RBM4: variants seen among roughly 807,000 people sequenced by gnomAD.
RBM4 encodes RNA binding motif protein 4.
Under a neutral mutation model 29.5 loss-of-function variants are expected in RBM4, and 7 were observed. The ratio of observed to expected loss-of-function variants is 0.24; its 90% CI spans 0.14 to 0.45. The LOEUF is 0.45. Among genes scored for constraint, RBM4 ranks in the 20% least tolerant of loss-of-function variants. RBM4 has a pLI of 1.00. For missense variants in RBM4, 387 were observed against 502.3 expected (o/e 0.77, Z 2.19); for synonymous variants, 220 against 205.4 (o/e 1.07, Z -0.61).
intron 3 of RBM4, chr11:66,644,866 C>G: frequency 2.0e-5 from 4 of 199,908 alleles, no homozygotes; most frequent in Non-Finnish European, 3.6e-5. Flanking sequence ...AATAGAGTGC[C>G]CACTCCATTG....
rs959995927 is a variant in RBM4 at position 66,644,773 on chromosome 11, T to G, written c.*8+633T>G. On this transcript the variant is annotated intron_variant, in intron 3 of 3. Transcript: ENST00000310092. ...GTTGGGGTAGAGAGAAATACAAAAC[T>G]TATCTTTTATAAAGTTCCACAAGGA... 4.6e-5 allele frequency: 40 copies of G among 862,024 alleles called. No individual in the cohort carries two copies. In the Admixed American group the frequency reaches 6.8e-4, roughly 15 times the overall value. 53.4% of individuals were successfully genotyped at this position (862,024 alleles called of 1,614,324 possible). A position where few individuals can be genotyped will look rare whatever the true frequency, so the allele number is the denominator to read the frequency against.
exon 3 of RBM4, chr11:66,668,072 A>G (rs937430792): frequency 6.5e-6 from 1 of 153,456 alleles, no homozygotes; most frequent in Non-Finnish European, 1.5e-5. Flanking sequence ...TGTGATATTC[A>G]TTACTAACCC....
At position 66,640,099 on chromosome 11, in the gene RBM4, G is replaced by T; in HGVS notation, c.388G>T (p.Gly130Cys). The T allele has an allele frequency of 1.2e-6, 2 of 1,614,182 alleles. No homozygotes were observed. The highest frequency in any genetic ancestry group is 1.7e-6 in the Non-Finnish European group (2 of 1,180,038). Residue 130 changes from glycine (G) to cysteine (C), a missense_variant, in exon 2 of 4, where the codon GGC becomes TGC. Gly to Cys is a radical substitution (Grantham distance 159, BLOSUM62 -3). Coordinates refer to ENST00000310092, the MANE Select transcript of RBM4 (RefSeq NM_002896.4). ...AGAGGATGCAGTGGAGGCCATCAGG[G>T]GCCTTGATAACACAGAGTTTCAAGG... ...RAEDAVEAIRGLDNTEFQGKR... is the reference protein window; with the variant it reads ...RAEDAVEAIRCLDNTEFQGKR...
intron 2 of RBM4, among the ~76,000 whole-genome samples, chr11:66,663,535 T>G (rs1435234441): frequency 6.6e-6 from 1 of 152,084 alleles, no homozygotes; most frequent in African/African-American, 2.4e-5. Flanking sequence ...CAGCTAATTT[T>G]TTGTATTTTA....
At position 66,665,818 on chromosome 11, in the gene RBM4, T is replaced by C. The variant is rs903066031; in HGVS notation, c.413-38T>C. ...CAAGATGCAATCTAGCTGAAGAATG[T>C]GTTGGTGATAAATACATCTTTCTTA... On this transcript the variant is annotated intron_variant, in intron 2 of 2. Transcript: ENST00000396053. 3 of 1,480,084 alleles carry C rather than the reference T, an allele frequency of 2.0e-6. 1 individual carries two copies. 91.7% of individuals were successfully genotyped at this position (1,480,084 alleles called of 1,614,324 possible).
intron 2 of RBM4, among the ~76,000 whole-genome samples, chr11:66,658,398 G>C (rs1237482377): frequency 7.9e-6 from 1 of 127,318 alleles, no homozygotes; most frequent in African/African-American, 3.0e-5. Flanking sequence ...AATAGGCTCA[G>C]AGATTCCCTG....
At chr11:66,665,786 T>C (rs1939209038) in intron 2 of RBM4, 4 of 1,388,832 alleles carry the variant, frequency 2.9e-6, no homozygotes, top group Non-Finnish European at 3.9e-6. Context: ...TGGCTATATA[T>C]ATAGGACAAG....
Position 66,646,122 on chromosome 11 carries a change from G to A in RBM4, c.*104G>A, listed in dbSNP as rs931934265. 19 of 1,534,178 alleles carry A rather than the reference G, an allele frequency of 1.2e-5. 1 individual carries two copies. Among genetic ancestry groups the A allele is most frequent in the South Asian group, 7.1e-5 (6 of 83,946 alleles). On this transcript the variant is annotated 3_prime_UTR_variant, in exon 4 of 4. Transcript: ENST00000310092. Reference sequence around the variant, plus strand: ...CTCCGGGACGTTCTCGGCTCTGTGCGTTCAGTCCCTCAGGAACCGTGGACC... The same window carrying A: ...CTCCGGGACGTTCTCGGCTCTGTGCATTCAGTCCCTCAGGAACCGTGGACC...
At chr11:66,660,129 C>G (rs1012605493) in intron 2 of RBM4, among the ~76,000 whole-genome samples, 1 of 127,450 alleles carries the variant, frequency 7.8e-6, no homozygotes, top group Non-Finnish European at 1.7e-5. Flanking sequence ...GCCTCAGGGC[C>G]TTTTTTTTTT....
downstream of RBM4, among the ~76,000 whole-genome samples, chr11:66,648,539 G>C (rs918850693): frequency 1.3e-4 from 20 of 151,258 alleles, no homozygotes; most frequent in African/African-American, 4.6e-4. Flanking sequence ...TTTTTGCCAG[G>C]CGCGGTGGCT....
rs375750341 is a variant in RBM4 at position 66,639,768 on chromosome 11, C to T, written c.57C>T (p.Arg19=). 36 of 1,614,124 alleles carry T rather than the reference C, an allele frequency of 2.2e-5. No homozygotes were observed. The African/African-American group carries it at 3.9e-4, about 17-fold the overall frequency. ...LPREATEQEI[R]SLFEQYGKVL... ...GGGAGGCTACAGAGCAGGAGATTCG[C>T]TCACTCTTCGAGCAGTATGGGAAGG... The change falls in exon 2 of 4, where the codon CGC becomes CGT. Residue 19 remains arginine, a synonymous_variant. Transcript: ENST00000310092.
intron 2 of RBM4, among the ~76,000 whole-genome samples, chr11:66,656,526 C>T (rs1938953397): frequency 6.6e-6 from 1 of 152,138 alleles, no homozygotes; most frequent in Non-Finnish European, 1.5e-5. Flanking sequence ...ATCTGCTCAC[C>T]TTGGCCTCCC....
intron 3 of RBM4, 71 bp downstream of exon 3, chr11:66,644,211 C>G (rs1283048632): frequency 6.5e-7 from 1 of 1,529,194 alleles, no homozygotes; most frequent in African/African-American, 1.4e-5. Flanking sequence ...TCCAATTAGG[C>G]TGCCCTGCTT....
At position 66,643,322 on chromosome 11, in the gene RBM4, C is replaced by G; in HGVS notation, c.413-128C>G. ...AGTCTTTTTTTTTTTTCCTTTTTAT[C>G]TTTTCCTAAAGATGAGTCCTGCATT... On this transcript the variant is annotated intron_variant, in intron 2 of 3. Transcript: ENST00000310092. The surrounding 1 kb of genome is among the most constrained non-coding windows in gnomAD (Gnocchi z 6.1). 5 of 1,012,638 alleles carry G rather than the reference C, an allele frequency of 4.9e-6. No individual in the cohort carries two copies. Among genetic ancestry groups the G allele is most frequent in the Non-Finnish European group, 5.2e-6 (4 of 765,834 alleles). 62.7% of individuals were successfully genotyped at this position (1,012,638 alleles called of 1,614,324 possible). A position where few individuals can be genotyped will look rare whatever the true frequency, so the allele number is the denominator to read the frequency against.
chr11:66,639,982 A>G lies in RBM4; in HGVS notation c.271A>G (p.Asn91Asp), dbSNP rs546632015. The change falls in exon 2 of 4, where the codon AAT (asparagine) becomes GAT (aspartate). Residue 91 changes from asparagine to aspartate, a missense_variant. By Grantham distance (23) the Asn-to-Asp change is conservative. Coordinates refer to ENST00000310092, the MANE Select transcript of RBM4 (RefSeq NM_002896.4). ...HVGNISPTCTNKELRAKFEEY... is the reference protein window; with the variant it reads ...HVGNISPTCTDKELRAKFEEY... ...GGGCAACATCAGTCCCACCTGCACC[A>G]ATAAGGAGCTTCGAGCCAAGTTTGA... 8 of 1,614,224 alleles carry G rather than the reference A, an allele frequency of 5.0e-6. No homozygotes were observed. Among genetic ancestry groups the G allele is most frequent in the East Asian group, 2.2e-5 (1 of 44,888 alleles).
chr11:66,644,083 G>T lies in RBM4; in HGVS notation c.1046G>T (p.Arg349Leu). The change falls in exon 3 of 4, where the codon CGG becomes CTG. Residue 349 changes from arginine (R) to leucine (L), a missense_variant. Transcript: ENST00000310092. ...CGGAATTCTCTGTACGACATGGCCC[G>T]GTATGAGCGGGAGCAGTATGCCGAT... is the stretch of plus-strand genomic sequence containing the variant. ...AARNSLYDMA[R>L]YEREQYADRA... 6.2e-7 allele frequency: 1 copy of T among 1,614,082 alleles called. No homozygotes were observed. The highest frequency in any genetic ancestry group is 8.5e-7 in the Non-Finnish European group (1 of 1,180,026).
At chr11:66,648,268 C>A (rs148371280), downstream of RBM4, among the ~76,000 whole-genome samples, 15 of 150,982 alleles carry the variant, frequency 9.9e-5, no homozygotes, top group Admixed American at 2.0e-4. Flanking sequence ...CGCCAGTAAT[C>A]CCAGCACTTT....
intron 2 of RBM4, among the ~76,000 whole-genome samples, chr11:66,641,623 G>T (rs754900164): frequency 3.3e-5 from 5 of 152,170 alleles, no homozygotes; most frequent in Non-Finnish European, 5.9e-5. Context: ...GGACAGTGTG[G>T]TCTTGATTCA....
exon 3 of RBM4, chr11:66,667,705 T>C (rs1046158006): frequency 6.7e-6 from 1 of 149,446 alleles, no homozygotes; most frequent in Non-Finnish European, 1.5e-5. Flanking sequence ...TAGGTTTTTT[T>C]TTTTTTTTAA....
Sources: allele counts gnomAD v4.1 joint callset (sites outside exome capture counted in the v4.1 genomes callset), GRCh38; gene constraint gnomAD v4.1.1; non-coding constraint Gnocchi (gnomAD v3.1); transcripts MANE v1.5; gene names NCBI Gene and HGNC (gene_info 2026-07-23, HGNC 2026-07-21).